The following ARMC1 variants were observed in gnomAD, a reference collection of about 807,000 sequenced individuals.
The protein encoded by ARMC1 is armadillo repeat-containing protein 1.
In ARMC1, 16 loss-of-function variants were observed where a neutral mutation model predicts 31.4. The observed-to-expected ratio is 0.51, with a 90% CI of 0.34 to 0.77. The LOEUF (loss-of-function observed/expected upper bound fraction) is 0.77, where lower values mean the gene tolerates loss of function less well. Ranked by LOEUF, ARMC1 falls within the 30% of genes least tolerant of loss-of-function variation. The pLI is 0.01. For missense variants in ARMC1, 259 were observed against 347.5 expected (o/e 0.75, Z 2.02); for synonymous variants, 114 against 118.9 (o/e 0.96, Z 0.27).
At chr8:65,624,259 G>C (rs1422647984) in intron 2 of ARMC1, among the ~76,000 whole-genome samples, 5 of 151,652 alleles carry the variant, frequency 3.3e-5, no homozygotes, top group African/African-American at 1.2e-4. Context: ...AGTACCTTGG[G>C]AAGCTGAGGG....
In ARMC1 at chr8:65,613,313, T is replaced by G; in HGVS notation, c.396A>C (p.Gln132His). 2 of 1,612,160 alleles carry G rather than the reference T, an allele frequency of 1.2e-6. No individual in the cohort carries two copies. The highest frequency in any genetic ancestry group is 1.7e-6 in the Non-Finnish European group (2 of 1,179,334). The change falls in exon 4 of 7, where the codon CAA (glutamine) becomes CAC (histidine). Residue 132 changes from glutamine (Q) to histidine (H), a missense_variant. This residue lies in a region of ARMC1 where 163 missense variants were observed against 186.7 expected (regional missense o/e 0.87). Coordinates refer to ENST00000276569, the MANE Select transcript of ARMC1 (RefSeq NM_018120.6). The stretch of plus-strand genomic sequence containing the variant: ...GTTTGTTTGTAGTTCCCAGAAAAAA[T>G]TGAGCTTTCCTTCGACGTGAATTCA... ...NEMNSRRRKAQFFLGTTNKRA... is the reference protein window; with the variant it reads ...NEMNSRRRKAHFFLGTTNKRA...
At chr8:65,606,188 C>T (rs1807997440) in intron 4 of ARMC1, among the ~76,000 whole-genome samples, 1 of 151,816 alleles carries the variant, frequency 6.6e-6, no homozygotes, top group Admixed American at 6.6e-5. Flanking sequence ...TGGTAAAACC[C>T]CATCTCTACT....
At chr8:65,630,080 G>A (rs1808608745) in intron 1 of ARMC1, among the ~76,000 whole-genome samples, 1 of 152,058 alleles carries the variant, frequency 6.6e-6, no homozygotes, top group Non-Finnish European at 1.5e-5. Context: ...GGGAGGTGGA[G>A]GTTGCAGTGA....
intron 1 of ARMC1, among the ~76,000 whole-genome samples, chr8:65,630,318 A>G (rs1482572011): frequency 6.6e-6 from 1 of 152,244 alleles, no homozygotes; most frequent in Non-Finnish European, 1.5e-5. Context: ...TTACCAATTT[A>G]CAATAAAATG....
intron 3 of ARMC1, among the ~76,000 whole-genome samples, chr8:65,621,852 CTTATT>C (rs1808400467): frequency 6.6e-6 from 1 of 152,146 alleles, no homozygotes; most frequent in African/African-American, 2.4e-5. Flanking sequence ...TCTTAACTTT[CTTATT>C]TTATAGTTCC....
intron 3 of ARMC1, among the ~76,000 whole-genome samples, chr8:65,619,438 T>G (rs572354678): frequency 3.3e-5 from 5 of 152,002 alleles, no homozygotes; most frequent in African/African-American, 1.2e-4. Flanking sequence ...CTCAGAAGGC[T>G]GAGACAGGAG....
At chr8:65,605,802 C>G (rs767237495) in intron 4 of ARMC1, among the ~76,000 whole-genome samples, 1 of 152,036 alleles carries the variant, frequency 6.6e-6, no homozygotes, top group Non-Finnish European at 1.5e-5. Context: ...AGAAGTTAGC[C>G]AATGTTAATT....
At chr8:65,623,765 C>T (rs1356139598) in intron 2 of ARMC1, among the ~76,000 whole-genome samples, 2 of 136,522 alleles carry the variant, frequency 1.5e-5, no homozygotes, top group Non-Finnish European at 3.1e-5. Flanking sequence ...CCGTACATGC[C>T]AGAAGACAAC....
intron 1 of ARMC1, among the ~76,000 whole-genome samples, chr8:65,631,254 G>C (rs796710377): frequency 6.6e-6 from 1 of 151,966 alleles, no homozygotes; most frequent in Non-Finnish European, 1.5e-5. Context: ...TTTTGGGGGG[G>C]AACAGGGTCT....
At chr8:65,632,878 T>C (rs1234567127) in intron 1 of ARMC1, 1 of 152,084 alleles carries the variant, frequency 6.6e-6, no homozygotes, top group African/African-American at 2.4e-5. Flanking sequence ...ATGATGAAAA[T>C]GTGAAAAGAC....
At chr8:65,633,619 A>C (rs1302457543) in intron 1 of ARMC1, 1 of 152,266 alleles carries the variant, frequency 6.6e-6, no homozygotes, top group Non-Finnish European at 1.5e-5. Context: ...AAAAATGGGA[A>C]CACTGGTCTC....
rs1585721177 is a variant in ARMC1, at chr8:65,628,116, GC to G, written c.-35-684del. Among the ~76,000 whole-genome samples the G allele has an allele frequency of 3.3e-5, 5 of 152,274 alleles. No individual in the cohort carries two copies. The East Asian group carries it at 9.7e-4, about 29-fold the overall frequency. ...ACATAATTCATTTGCCAGATGAGGA[GC>G]TAGTCATAGAGAGGTTCAATAATTT... is the stretch of plus-strand genomic sequence containing the variant. On this transcript the variant is annotated intron_variant, in intron 1 of 6. Coordinates refer to ENST00000276569, the MANE Select transcript of ARMC1 (RefSeq NM_018120.6).
rs181688253 is a variant in ARMC1, at chr8:65,621,979, C to T, written c.275+284G>A. Among the ~76,000 whole-genome samples, 581 of 152,030 alleles carry T rather than the reference C, an allele frequency of 3.8e-3. 2 individuals carry two copies. The highest frequency in any genetic ancestry group is 6.8e-3 in the Middle Eastern group (2 of 294). ...TTGAGATGGAATCTTGTTCTGTCGCCCAGGCTAGAGCGCAATGGCACGATC... is the reference window on the plus strand; with the variant it reads ...TTGAGATGGAATCTTGTTCTGTCGCTCAGGCTAGAGCGCAATGGCACGATC... On this transcript the variant is annotated intron_variant, in intron 3 of 6. Coordinates refer to ENST00000276569, the MANE Select transcript of ARMC1 (RefSeq NM_018120.6).
intron 4 of ARMC1, among the ~76,000 whole-genome samples, chr8:65,606,394 TTA>T (rs1298482528): frequency 6.6e-6 from 1 of 151,546 alleles, no homozygotes; most frequent in Non-Finnish European, 1.5e-5. Context: ...AAGAAAAGTT[TTA>T]TGATCCACAC....
intron 4 of ARMC1, among the ~76,000 whole-genome samples, chr8:65,608,641 C>T (rs1236479694): frequency 6.6e-6 from 1 of 152,082 alleles, no homozygotes; most frequent in Admixed American, 6.5e-5. Flanking sequence ...ACTCAACTTC[C>T]CCTTCTATTA....
intron 1 of ARMC1, among the ~76,000 whole-genome samples, chr8:65,629,805 A>G (rs959046333): frequency 2.0e-5 from 3 of 150,446 alleles, no homozygotes; most frequent in Non-Finnish European, 4.4e-5. Context: ...TCTCAAAAAA[A>G]AAAAAAAAAA....
chr8:65,612,993 T>A (rs1178952366), intron 4 of ARMC1, among the ~76,000 whole-genome samples: 1 of 152,248 alleles, frequency 6.6e-6, no homozygotes, highest in African/African-American at 2.4e-5. Flanking sequence ...TGTTAAAATC[T>A]CTAACTGTGG....
intron 2 of ARMC1, among the ~76,000 whole-genome samples, chr8:65,626,748 T>C (rs1808519146): frequency 6.6e-6 from 1 of 152,110 alleles, no homozygotes; most frequent in Non-Finnish European, 1.5e-5. Flanking sequence ...AGGCTGGCCA[T>C]GGTGACTCAC....
At chr8:65,609,815 G>A (rs1456828628) in intron 4 of ARMC1, among the ~76,000 whole-genome samples, 2 of 133,782 alleles carry the variant, frequency 1.5e-5, no homozygotes, top group African/African-American at 2.9e-5. Flanking sequence ...CCGAGATCAC[G>A]ACACTGCACT....
Sources: allele counts gnomAD v4.1 joint callset (sites outside exome capture counted in the v4.1 genomes callset), GRCh38; gene constraint gnomAD v4.1.1; regional missense constraint gnomAD v4.1.1; transcripts MANE v1.5; gene names NCBI Gene and HGNC (gene_info 2026-07-23, HGNC 2026-07-21).